The following PTPRM variants were observed in gnomAD, a reference collection of about 807,000 sequenced individuals.
The protein encoded by PTPRM is receptor-type tyrosine-protein phosphatase mu.
A neutral mutation model predicts 186.7 loss-of-function variants in PTPRM; 47 were observed. That is an observed-to-expected ratio of 0.25 (90% CI 0.20 to 0.32). The LOEUF (loss-of-function observed/expected upper bound fraction) is 0.32, where lower values mean the gene tolerates loss of function less well. Ranked by LOEUF, PTPRM falls within the 10% of genes least tolerant of loss-of-function variation. PTPRM has a pLI of 1.00. For synonymous variants in PTPRM, 668 were observed against 674.9 expected (o/e 0.99, Z 0.16); for missense variants, 1,494 against 1,865.0 (o/e 0.80, Z 3.66).
At chr18:7,782,429 G>A (rs1468946606) in intron 2 of PTPRM, among the ~76,000 whole-genome samples, 2 of 152,198 alleles carry the variant, frequency 1.3e-5, no homozygotes, top group Non-Finnish European at 2.9e-5. Context: ...AAAAAATGTA[G>A]TAGAATATAC....
chr18:8,110,853 A>C (rs965496200), intron 11 of PTPRM, among the ~76,000 whole-genome samples: 1 of 152,192 alleles, frequency 6.6e-6, no homozygotes, highest in Admixed American at 6.5e-5. Context: ...TACAATACTC[A>C]AAAGAAGTTG....
intron 1 of PTPRM, among the ~76,000 whole-genome samples, chr18:7,615,813 T>C (rs2037788942): frequency 6.6e-6 from 1 of 152,146 alleles, no homozygotes; most frequent in Non-Finnish European, 1.5e-5. Context: ...CTCACCATAA[T>C]GCAGAATCAG....
At chr18:8,240,783 A>AGAGGGG (rs2094421338) in intron 14 of PTPRM, among the ~76,000 whole-genome samples, 1 of 28,836 alleles carries the variant, frequency 3.5e-5, no homozygotes, top group African/African-American at 2.4e-4. Flanking sequence ...AGAGGGAGAG[A>AGAGGGG]GAGAGAGAGA....
intron 1 of PTPRM, among the ~76,000 whole-genome samples, chr18:7,586,585 C>T (rs958566443): frequency 6.6e-6 from 1 of 152,136 alleles, no homozygotes; most frequent in African/African-American, 2.4e-5. Flanking sequence ...GCTGATACTG[C>T]TCAGTTCCAA....
Position 8,253,409 on chromosome 18 carries a change from T to C in PTPRM, c.2749T>C (p.Tyr917His), listed in dbSNP as rs1372850592. 1.3e-6 allele frequency: 2 copies of C among 1,509,064 alleles called. No individual in the cohort carries two copies. Among genetic ancestry groups the C allele is most frequent in the Non-Finnish European group, 8.9e-7 (1 of 1,126,640 alleles). The allele number at this position is 1,509,064 out of a possible 1,614,324, so 93.5% of individuals were successfully genotyped here. ...GGAGGGCTACGGCTTCAAGGAGGAA[T>C]ACGAGGTGAGCACAAGCTCTGTGCC... ...CAEGYGFKEE[Y>H]ESFFEGQSAP... The change falls in exon 19 of 33, where the codon TAC (tyrosine) becomes CAC (histidine). Residue 917 changes from tyrosine to histidine, a missense_variant. Physicochemically the swap from Tyr to His is moderately conservative, Grantham distance 83 (BLOSUM62 2). This residue lies in a region of PTPRM where 1,107 missense variants were observed against 1,350.2 expected (regional missense o/e 0.82). Transcript: ENST00000580170.
chr18:7,862,978 CTG>C (rs1034007020), intron 2 of PTPRM, among the ~76,000 whole-genome samples: 1 of 152,122 alleles, frequency 6.6e-6, no homozygotes, highest in African/African-American at 2.4e-5. Context: ...TTGGGAAACT[CTG>C]TATTGCTTCC....
At chr18:8,024,196 T>G (rs1287156842) in intron 7 of PTPRM, among the ~76,000 whole-genome samples, 1 of 152,178 alleles carries the variant, frequency 6.6e-6, no homozygotes, top group East Asian at 1.9e-4. Flanking sequence ...AATTTCTGCT[T>G]CTTTTAGTAT....
At chr18:7,707,580 G>A (rs1297421627) in intron 1 of PTPRM, among the ~76,000 whole-genome samples, 6 of 152,056 alleles carry the variant, frequency 3.9e-5, no homozygotes, top group Admixed American at 3.3e-4. Context: ...TCGAGGCTAC[G>A]GTGGGCTATG....
At chr18:8,289,603 C>CACATATATAT (rs1568675677) in intron 19 of PTPRM, among the ~76,000 whole-genome samples, 2 of 104,676 alleles carry the variant, frequency 1.9e-5, no homozygotes, top group African/African-American at 8.4e-5. Flanking sequence ...TATATATATA[C>CACATATATAT]ACACATATAT....
chr18:7,796,883 T>C (rs1049417395), intron 2 of PTPRM, among the ~76,000 whole-genome samples: 1 of 152,196 alleles, frequency 6.6e-6, no homozygotes, highest in Non-Finnish European at 1.5e-5. Context: ...TCTGGATGCG[T>C]GTATATAGCA....
intron 2 of PTPRM, among the ~76,000 whole-genome samples, chr18:7,886,238 A>T (rs964820590): frequency 2.0e-5 from 3 of 152,192 alleles, no homozygotes; most frequent in African/African-American, 7.2e-5. Context: ...TAACTCATAC[A>T]CAGGAACGTC....
chr18:8,040,724 A>G (rs976400430), intron 7 of PTPRM, among the ~76,000 whole-genome samples: 3 of 152,184 alleles, frequency 2.0e-5, no homozygotes, highest in Non-Finnish European at 4.4e-5. Context: ...TTCATTCTGG[A>G]CCTGGATGCA....
At chr18:7,980,539 A>G (rs2082492572) in intron 7 of PTPRM, among the ~76,000 whole-genome samples, 1 of 151,858 alleles carries the variant, frequency 6.6e-6, no homozygotes, top group South Asian at 2.1e-4. Context: ...ACATGCCACC[A>G]CGCCTGGCTA....
chr18:7,671,745 G>A (rs2039221313), intron 1 of PTPRM, among the ~76,000 whole-genome samples: 1 of 152,156 alleles, frequency 6.6e-6, no homozygotes. Flanking sequence ...GGCAGAGAAA[G>A]CCAGAGTTTT....
At chr18:7,889,621 G>A (rs1027350051) in intron 3 of PTPRM, among the ~76,000 whole-genome samples, 15 of 152,088 alleles carry the variant, frequency 9.9e-5, no homozygotes, top group Admixed American at 9.8e-4. Flanking sequence ...TTACAGGCAT[G>A]AGCCATTGTG....
intron 2 of PTPRM, among the ~76,000 whole-genome samples, chr18:7,803,647 C>G (rs574579859): frequency 6.6e-6 from 1 of 152,174 alleles, no homozygotes; most frequent in South Asian, 2.1e-4. Context: ...AAGGTTAGCC[C>G]ATGGGGAAGG....
intron 3 of PTPRM, among the ~76,000 whole-genome samples, chr18:7,905,761 A>G (rs1012399208): frequency 6.6e-6 from 1 of 152,078 alleles, no homozygotes; most frequent in African/African-American, 2.4e-5. Context: ...GAGGTCCTCC[A>G]TGTGTATATT....
chr18:7,713,579 T>C (rs1012277898), intron 1 of PTPRM, among the ~76,000 whole-genome samples: 2 of 151,740 alleles, frequency 1.3e-5, no homozygotes, highest in African/African-American at 2.4e-5. Context: ...GGCTGACAAA[T>C]TGGATAAAGA....
chr18:8,259,567 C>T (rs1233539684), intron 19 of PTPRM, among the ~76,000 whole-genome samples: 1 of 150,934 alleles, frequency 6.6e-6, no homozygotes, highest in African/African-American at 2.4e-5. Context: ...GTTTTATTTG[C>T]TGCCTTTGTC....
Sources: gnomAD v4.1 joint callset for allele counts (sites outside exome capture counted in the v4.1 genomes callset) on GRCh38, gnomAD v4.1.1 for gene constraint, gnomAD v4.1.1 regional missense constraint, MANE v1.5 for transcripts, NCBI Gene and HGNC (gene_info 2026-07-23, HGNC 2026-07-21) for gene names.